Variants in UBE4B observed in about 807,000 individuals in gnomAD.
UBE4B encodes ubiquitination factor E4B.
A neutral mutation model predicts 148.1 loss-of-function variants in UBE4B; 27 were observed. The ratio of observed to expected loss-of-function variants is 0.18; its 90% CI spans 0.13 to 0.25. The LOEUF is 0.25. Among genes scored for constraint, UBE4B ranks in the 10% least tolerant of loss-of-function variants. The pLI, the probability that UBE4B is intolerant of heterozygous loss-of-function variation, is 1.00. For synonymous variants in UBE4B, 596 were observed against 619.3 expected, an observed-to-expected ratio of 0.96 and a Z score of 0.56; for missense variants, 1,170 against 1,662.4, an observed-to-expected ratio of 0.70 and a Z score of 5.15.
intron 26 of UBE4B, 37 bp downstream of exon 26, chr1:10,178,855 G>C: frequency 6.4e-7 from 1 of 1,552,208 alleles, no homozygotes; most frequent in Non-Finnish European, 8.7e-7. Flanking sequence ...GATTTCTTTT[G>C]AGTTAACTGG....
chr1:10,040,458 C>T (rs181876788), intron 1 of UBE4B, among the ~76,000 whole-genome samples: 1 of 152,030 alleles, frequency 6.6e-6, no homozygotes. Flanking sequence ...GCCATGTTGC[C>T]CAGGCTGGTC....
chr1:10,036,353 A>G (rs1643531523), intron 1 of UBE4B, among the ~76,000 whole-genome samples: 1 of 152,154 alleles, frequency 6.6e-6, no homozygotes, highest in South Asian at 2.1e-4. Flanking sequence ...ATAAATGAAA[A>G]AAATTAAATT....
intron 25 of UBE4B, 29 bp from the exon 26 acceptor site, chr1:10,178,615 C>T (rs539173173): frequency 3.5e-5 from 55 of 1,552,190 alleles, no homozygotes; most frequent in Middle Eastern, 3.5e-4. Context: ...CGTACATTTA[C>T]GTCTCACATT....
chr1:10,167,793 A>T (rs893203046), intron 23 of UBE4B, among the ~76,000 whole-genome samples: 1 of 151,774 alleles, frequency 6.6e-6, no homozygotes, highest in African/African-American at 2.4e-5. Flanking sequence ...GGGTTTCACC[A>T]TGTTGGCCAG....
intron 9 of UBE4B, among the ~76,000 whole-genome samples, chr1:10,120,527 A>G (rs978208142): frequency 3.3e-5 from 5 of 152,020 alleles, no homozygotes; most frequent in Non-Finnish European, 5.9e-5. Flanking sequence ...TCAAAAAATA[A>G]AAATTAATAA....
intron 7 of UBE4B, among the ~76,000 whole-genome samples, chr1:10,111,044 G>C (rs1333123519): frequency 2.6e-4 from 30 of 113,352 alleles, no homozygotes; most frequent in African/African-American, 5.2e-4. Flanking sequence ...CTCTGTCTCT[G>C]ACACACACAC....
At chr1:10,054,460 TA>T in intron 1 of UBE4B, 1 of 420,684 alleles carries the variant, frequency 2.4e-6, no homozygotes, top group Non-Finnish European at 4.6e-6. Flanking sequence ...AATTCATAGG[TA>T]ATAGGTTCCA....
intron 5 of UBE4B, 55 bp from the exon 6 acceptor site, chr1:10,105,461 T>C: frequency 6.5e-7 from 1 of 1,535,386 alleles, no homozygotes; most frequent in South Asian, 1.1e-5. Context: ...TCAAGGGCTG[T>C]GTAACCTGTG....
intron 12 of UBE4B, among the ~76,000 whole-genome samples, chr1:10,130,108 C>G (rs1358031783): frequency 6.6e-6 from 1 of 152,236 alleles, no homozygotes; most frequent in Non-Finnish European, 1.5e-5. Flanking sequence ...GAGTCTCACT[C>G]TGTCACCCAG....
intron 25 of UBE4B, among the ~76,000 whole-genome samples, chr1:10,178,346 T>G (rs187340094): frequency 6.6e-5 from 10 of 151,760 alleles, no homozygotes; most frequent in African/African-American, 1.2e-4. Context: ...GCTGTAAAAA[T>G]TCAAAAAAAA....
chr1:10,152,952 C>T lies in UBE4B; in HGVS notation c.2926+1391C>T, dbSNP rs564848544. Among the ~76,000 whole-genome samples the T allele has an allele frequency of 1.4e-3, 218 of 151,072 alleles. 1 individual carries two copies. The highest frequency in any genetic ancestry group is 4.9e-3 in the African/African-American group (200 of 41,146). On this transcript the variant is annotated intron_variant, in intron 21 of 27. Transcript: ENST00000343090. ...TTGGACGGAGCTAGGACCCAGTCCT[C>T]TGTGGAAGGCCCTTGGCCAGTAGGT...
intron 10 of UBE4B, among the ~76,000 whole-genome samples, chr1:10,123,114 G>A (rs1194555818): frequency 6.6e-6 from 1 of 152,076 alleles, no homozygotes; most frequent in East Asian, 1.9e-4. Flanking sequence ...TTCTCTAGAA[G>A]GGTAAGTGAA....
intron 1 of UBE4B, among the ~76,000 whole-genome samples, chr1:10,041,625 G>A (rs1643772466): frequency 2.6e-5 from 4 of 151,878 alleles, no homozygotes; most frequent in South Asian, 4.2e-4. Context: ...GTGAACGACT[G>A]TGCCCGGCCA....
At chr1:10,170,176 A>T (rs924270306) in intron 24 of UBE4B, among the ~76,000 whole-genome samples, 1 of 152,100 alleles carries the variant, frequency 6.6e-6, no homozygotes, top group South Asian at 2.1e-4. Context: ...GTGTAAAGGC[A>T]TTTCATTTTG....
At chr1:10,091,988 A>T (rs1383555308) in intron 2 of UBE4B, among the ~76,000 whole-genome samples, 2 of 151,782 alleles carry the variant, frequency 1.3e-5, no homozygotes, top group Non-Finnish European at 2.9e-5. Flanking sequence ...GCCTCAAGTG[A>T]TCCTCTCTCC....
At chr1:10,158,174 A>T (rs1431644391) in intron 21 of UBE4B, among the ~76,000 whole-genome samples, 182 bp from the exon 22 acceptor site, 1 of 152,110 alleles carries the variant, frequency 6.6e-6, no homozygotes, top group Non-Finnish European at 1.5e-5. Flanking sequence ...TCATTGTGAA[A>T]CTTTTGTCTT....
chr1:10,112,074 GT>G (rs1463428813), intron 7 of UBE4B, among the ~76,000 whole-genome samples: 1 of 150,864 alleles, frequency 6.6e-6, no homozygotes, highest in Non-Finnish European at 1.5e-5. Flanking sequence ...AGTTTTGTTA[GT>G]GCATTTAAAA....
Position 10,121,385 on chromosome 1 carries a change from A to G in UBE4B, c.1440-577A>G, listed in dbSNP as rs1004374759. ...AACAACAAACAACAACAAAAAAAAC[A>G]TATAATACTTCTTTTTTATTTTTAT... On this transcript the variant is annotated intron_variant, in intron 9 of 27. Coordinates refer to ENST00000343090, the MANE Select transcript of UBE4B (RefSeq NM_001105562.3). Among the ~76,000 whole-genome samples, 8 of 152,196 alleles carry G rather than the reference A, an allele frequency of 5.3e-5. No individual in the cohort carries two copies. The South Asian group carries it at 1.2e-3, about 24-fold the overall frequency.
At chr1:10,131,250 G>T (rs1242728096) in intron 14 of UBE4B, among the ~76,000 whole-genome samples, 4 of 152,194 alleles carry the variant, frequency 2.6e-5, no homozygotes, top group Non-Finnish European at 5.9e-5. Flanking sequence ...GCCGAGTGGG[G>T]TGGATCACCT....
Sources: gnomAD v4.1 joint callset for allele counts (sites outside exome capture counted in the v4.1 genomes callset) on GRCh38, gnomAD v4.1.1 for gene constraint, MANE v1.5 for transcripts, NCBI Gene and HGNC (gene_info 2026-07-23, HGNC 2026-07-21) for gene names.